The following FSTL5 variants were observed in gnomAD, a reference collection of about 807,000 sequenced individuals.
The protein encoded by FSTL5 is follistatin-related protein 5.
Under a neutral mutation model 89.1 loss-of-function variants are expected in FSTL5, and 62 were observed. That is an observed-to-expected ratio of 0.70 (90% CI 0.57 to 0.86). FSTL5 has a LOEUF of 0.86. FSTL5 is among the 40% of genes least tolerant of loss of function. FSTL5 has a pLI of 0.00. For missense variants in FSTL5, 1,057 were observed against 1,001.6 expected (o/e 1.06, Z -0.75); for synonymous variants, 383 against 346.2 (o/e 1.11, Z -1.18).
intron 1 of FSTL5, among the ~76,000 whole-genome samples, chr4:162,151,236 T>C (rs143037435): frequency 5.3e-5 from 8 of 152,302 alleles, no homozygotes; most frequent in African/African-American, 1.9e-4. Flanking sequence ...GCAGGTTTTA[T>C]ATTTTGAGCA....
intron 4 of FSTL5, among the ~76,000 whole-genome samples, chr4:161,855,003 GTTTTTTTTTTT>G (rs1221548568): frequency 6.2e-5 from 1 of 16,134 alleles, no homozygotes; most frequent in African/African-American, 1.4e-4. Context: ...TGGTTGAGAG[GTTTTTTTTTTT>G]TTTTTTTTTG....
At chr4:161,670,287 T>TA (rs2126697289) in intron 6 of FSTL5, among the ~76,000 whole-genome samples, 1 of 152,262 alleles carries the variant, frequency 6.6e-6, no homozygotes, top group African/African-American at 2.4e-5. Flanking sequence ...CCATTTCCTA[T>TA]ATGTTAACAA....
At chr4:161,564,806 G>A (rs999693827) in intron 8 of FSTL5, among the ~76,000 whole-genome samples, 2 of 151,572 alleles carry the variant, frequency 1.3e-5, no homozygotes, top group Admixed American at 1.3e-4. Context: ...GTTATCACTA[G>A]GTGTTCTGCT....
At position 161,857,432 on chromosome 4, in the gene FSTL5, A is replaced by G. The variant is rs115851498; in HGVS notation, c.409+62972T>C. 3.3e-3 allele frequency among the ~76,000 whole-genome samples: 495 copies of G among 152,190 alleles called. 4 individuals are homozygous for G. The highest frequency in any genetic ancestry group is 0.011 in the African/African-American group (475 of 41,528). On this transcript the variant is annotated intron_variant, in intron 4 of 15. Transcript: ENST00000306100. ...TAACACCAAAGTACAGTTCTTGGGG[A>G]TCAATTATTTGTCGTATTCTTAACT...
chr4:162,081,709 A>G (rs1730103883), intron 2 of FSTL5, among the ~76,000 whole-genome samples: 1 of 151,624 alleles, frequency 6.6e-6, no homozygotes, highest in African/African-American at 2.4e-5. Flanking sequence ...CTCATCTATA[A>G]TATGACACCC....
chr4:161,407,591 C>T (rs759972514), intron 15 of FSTL5, among the ~76,000 whole-genome samples: 12 of 131,744 alleles, frequency 9.1e-5, no homozygotes, highest in Admixed American at 6.0e-4. Context: ...GACCTATGAG[C>T]TGGCAAGGGG....
At chr4:161,405,158 G>A (rs915856062) in intron 15 of FSTL5, among the ~76,000 whole-genome samples, 11 of 151,816 alleles carry the variant, frequency 7.2e-5, no homozygotes, top group Admixed American at 4.6e-4. Flanking sequence ...GCTTGAACCC[G>A]GGAGGCAGAA....
At chr4:161,851,144 T>C (rs1347835895) in intron 4 of FSTL5, among the ~76,000 whole-genome samples, 1 of 152,216 alleles carries the variant, frequency 6.6e-6, no homozygotes, top group Non-Finnish European at 1.5e-5. Context: ...TTATTATTCC[T>C]ATTAATTACA....
intron 13 of FSTL5, among the ~76,000 whole-genome samples, chr4:161,473,921 T>G (rs1157995681): frequency 6.6e-6 from 1 of 152,228 alleles, no homozygotes; most frequent in Non-Finnish European, 1.5e-5. Context: ...CAATCTCTTT[T>G]GATTAAATAA....
intron 2 of FSTL5, among the ~76,000 whole-genome samples, chr4:162,069,058 T>C (rs1200111765): frequency 6.6e-6 from 1 of 151,902 alleles, no homozygotes; most frequent in Non-Finnish European, 1.5e-5. Context: ...ATGCTGGTGA[T>C]GCTGTGGAAA....
At chr4:162,056,775 T>C (rs1053235435) in intron 2 of FSTL5, among the ~76,000 whole-genome samples, 12 of 152,170 alleles carry the variant, frequency 7.9e-5, no homozygotes, top group Non-Finnish European at 1.6e-4. Context: ...GACTTAACAT[T>C]GTCAACATTT....
chr4:161,519,914 G>C (rs1245953993), intron 10 of FSTL5, among the ~76,000 whole-genome samples: 1 of 152,016 alleles, frequency 6.6e-6, no homozygotes, highest in Admixed American at 6.6e-5. Context: ...AAAATAAAAT[G>C]ATTATAATAT....
At chr4:162,098,436 G>A (rs1027510377) in intron 2 of FSTL5, among the ~76,000 whole-genome samples, 7 of 151,930 alleles carry the variant, frequency 4.6e-5, no homozygotes, top group African/African-American at 1.7e-4. Context: ...TTTTGTTCAA[G>A]ACTCAGAGAA....
intron 2 of FSTL5, among the ~76,000 whole-genome samples, chr4:162,107,487 T>C (rs1325732025): frequency 1.3e-5 from 2 of 152,090 alleles, no homozygotes; most frequent in Non-Finnish European, 2.9e-5. Flanking sequence ...TTCTCACAAA[T>C]GCACAAGACT....
At chr4:161,997,444 A>G (rs1736327928) in intron 3 of FSTL5, among the ~76,000 whole-genome samples, 1 of 152,172 alleles carries the variant, frequency 6.6e-6, no homozygotes. Flanking sequence ...TATCTTCTCC[A>G]TATGTACCAA....
chr4:161,738,731 T>C (rs1008466930), intron 6 of FSTL5, among the ~76,000 whole-genome samples: 1 of 152,128 alleles, frequency 6.6e-6, no homozygotes, highest in African/African-American at 2.4e-5. Context: ...GAAAATTGCA[T>C]GGGAAATCAA....
intron 15 of FSTL5, among the ~76,000 whole-genome samples, chr4:161,413,846 C>T (rs111289265): frequency 2.0e-5 from 3 of 152,258 alleles, no homozygotes; most frequent in African/African-American, 7.2e-5. Context: ...ACCTCATGTT[C>T]TCACCTGTAA....
At chr4:162,019,320 A>T (rs544446299) in intron 3 of FSTL5, among the ~76,000 whole-genome samples, 49 of 152,240 alleles carry the variant, frequency 3.2e-4, no homozygotes, top group South Asian at 8.3e-4. Context: ...CATTATGAAA[A>T]TGTGTACTTC....
chr4:162,141,644 GC>G lies in FSTL5; in HGVS notation c.-17+21970del, dbSNP rs1392534808. ...TGAACTAAGACAAGTATTTAGAAAA[GC>G]AGAGAATTCTGCAGGACAAGCATGT... On this transcript the variant is annotated intron_variant, in intron 1 of 15. Transcript: ENST00000306100. 5.9e-5 allele frequency among the ~76,000 whole-genome samples: 9 copies of G among 152,290 alleles called. No homozygotes were observed. The East Asian group carries it at 1.5e-3, about 26-fold the overall frequency.
Sources: gnomAD v4.1 joint callset for allele counts (sites outside exome capture counted in the v4.1 genomes callset) on GRCh38, gnomAD v4.1.1 for gene constraint, MANE v1.5 for transcripts, NCBI Gene and HGNC (gene_info 2026-07-23, HGNC 2026-07-21) for gene names.